The following ALDH1L2 variants were observed in gnomAD, a reference collection of about 807,000 sequenced individuals.
ALDH1L2 encodes mitochondrial 10-formyltetrahydrofolate dehydrogenase.
In ALDH1L2, 91 loss-of-function variants were observed where a neutral mutation model predicts 111.0. That is an observed-to-expected ratio of 0.82 (90% CI 0.69 to 0.98). ALDH1L2 has a LOEUF of 0.98. Ranked by LOEUF, ALDH1L2 falls within the 50% of genes least tolerant of loss-of-function variation. The pLI is 0.00. For synonymous variants in ALDH1L2, 374 were observed against 392.6 expected, an observed-to-expected ratio of 0.95 and a Z score of 0.56; for missense variants, 995 against 1,126.8, an observed-to-expected ratio of 0.88 and a Z score of 1.67.
chr12:105,070,713 G>GTAGGCTTCT lies in ALDH1L2; in HGVS notation c.276_284dup (p.Ala94_Tyr95insTer). 1 of 1,614,172 alleles carries GTAGGCTTCT rather than the reference G, an allele frequency of 6.2e-7. No homozygotes were observed. Among genetic ancestry groups the GTAGGCTTCT allele is most frequent in the South Asian group, 1.1e-5 (1 of 91,078 alleles). On this transcript the variant is annotated stop_gained, in exon 3 of 23. Transcript: ENST00000258494. LOFTEE classifies it high-confidence loss of function. Reference sequence around the variant, plus strand: ...CATTTAGCTCTGCACCCACGGATCTGTAGGCTTCTGCCACTTCTTTGATGG... The same window carrying GTAGGCTTCT: ...CATTTAGCTCTGCACCCACGGATCTGTAGGCTTCTTAGGCTTCTGCCACTTCTTTGATGG...
chr12:105,083,132 C>T (rs1203296094), intron 1 of ALDH1L2, among the ~76,000 whole-genome samples: 2 of 152,258 alleles, frequency 1.3e-5, no homozygotes, highest in Admixed American at 1.3e-4. Flanking sequence ...TTCTGCAAGA[C>T]TTCCTTCTGG....
chr12:105,042,835 C>T (rs932222546), intron 15 of ALDH1L2, among the ~76,000 whole-genome samples: 4 of 151,912 alleles, frequency 2.6e-5, no homozygotes, highest in Non-Finnish European at 4.4e-5. Flanking sequence ...TGGATCTCAC[C>T]TTAAACATCT....
At chr12:105,062,497 T>C (rs1179712613) in intron 7 of ALDH1L2, among the ~76,000 whole-genome samples, 1 of 152,158 alleles carries the variant, frequency 6.6e-6, no homozygotes, top group African/African-American at 2.4e-5. Context: ...GTCTGGTGGA[T>C]CAGTGGCAAG....
At chr12:105,075,591 C>T (rs1170044480) in intron 1 of ALDH1L2, among the ~76,000 whole-genome samples, 3 of 151,864 alleles carry the variant, frequency 2.0e-5, no homozygotes, top group Admixed American at 6.6e-5. Context: ...GTCCACACCC[C>T]GCCCCCGCAA....
chr12:105,080,248 C>A (rs1204556602), intron 1 of ALDH1L2, among the ~76,000 whole-genome samples: 3 of 152,090 alleles, frequency 2.0e-5, no homozygotes, highest in African/African-American at 7.2e-5. Context: ...TTTTCTCACC[C>A]CTGCTAAACA....
chr12:105,065,498 G>A, intron 5 of ALDH1L2, 142 bp from the exon 6 acceptor site: 1 of 616,692 alleles, frequency 1.6e-6, no homozygotes, highest in South Asian at 1.9e-5. Context: ...TTTGGAGTAA[G>A]TATTTTGTCA....
At chr12:105,029,592 C>T (rs1161986880) in intron 21 of ALDH1L2, among the ~76,000 whole-genome samples, 1 of 152,164 alleles carries the variant, frequency 6.6e-6, no homozygotes, top group East Asian at 1.9e-4. Flanking sequence ...AGCATGCATC[C>T]TTGAATGGAT....
At chr12:105,069,143 G>T (rs1306500219) in intron 3 of ALDH1L2, among the ~76,000 whole-genome samples, 3 of 152,060 alleles carry the variant, frequency 2.0e-5, no homozygotes, top group Non-Finnish European at 2.9e-5. Flanking sequence ...AATTTAAAAA[G>T]GCATTAGAGT....
chr12:105,080,277 A>G (rs2136117449), intron 1 of ALDH1L2, among the ~76,000 whole-genome samples: 1 of 152,334 alleles, frequency 6.6e-6, no homozygotes, highest in East Asian at 1.9e-4. Context: ...CGTCAAATTT[A>G]TGATTTTTGC....
intron 7 of ALDH1L2, among the ~76,000 whole-genome samples, chr12:105,062,343 A>G (rs1419292606): frequency 1.8e-5 from 2 of 109,062 alleles, no homozygotes; most frequent in African/African-American, 5.6e-5. Context: ...CTAGCGGCCT[A>G]CAGTCTTAAC....
In ALDH1L2 at chr12:105,072,068, G is replaced by A. The variant is rs1482551257; in HGVS notation, c.194-1264C>T. 6.6e-5 allele frequency among the ~76,000 whole-genome samples: 10 copies of A among 150,640 alleles called. No individual in the cohort carries two copies. In the South Asian group the frequency reaches 1.0e-3, roughly 16 times the overall value. On this transcript the variant is annotated intron_variant, in intron 2 of 22. Transcript: ENST00000258494. Reference sequence around the variant, plus strand: ...GCCACTACGCTCCAGCCTGGGCAACGAAGTGAGACCCTTTCTCTAAAAAAA... The same window carrying A: ...GCCACTACGCTCCAGCCTGGGCAACAAAGTGAGACCCTTTCTCTAAAAAAA...
chr12:105,070,823 A>G lies in ALDH1L2; in HGVS notation c.194-19T>C. On this transcript the variant is annotated intron_variant, in intron 2 of 22. Transcript: ENST00000258494. ...GCCAAAGCTGAGCATAAAAAAGAAG[A>G]TTTTTTTTTTAGAAGTTAGCCATAA... 1.4e-6 allele frequency: 2 copies of G among 1,481,376 alleles called. No individual in the cohort carries two copies. Among genetic ancestry groups the G allele is most frequent in the South Asian group, 2.5e-5 (2 of 79,202 alleles). 91.8% of individuals were successfully genotyped at this position (1,481,376 alleles called of 1,614,324 possible).
chr12:105,026,328 A>G (rs1874404215), intron 22 of ALDH1L2, among the ~76,000 whole-genome samples: 1 of 152,220 alleles, frequency 6.6e-6, no homozygotes, highest in African/African-American at 2.4e-5. Context: ...TTTTTTGAAA[A>G]GAAATATCTT....
chr12:105,036,160 AATATATACACGTATAT>A (rs1426674673), intron 18 of ALDH1L2, among the ~76,000 whole-genome samples: 13 of 44,150 alleles, frequency 2.9e-4, no homozygotes, highest in Non-Finnish European at 4.0e-4. Context: ...ATGTGTATAT[AATATATACACGTATAT>A]TTATATATGT....
intron 15 of ALDH1L2, among the ~76,000 whole-genome samples, chr12:105,042,751 T>G (rs1318150413): frequency 1.3e-5 from 2 of 152,216 alleles, no homozygotes; most frequent in Non-Finnish European, 2.9e-5. Flanking sequence ...ATCTTTCCTG[T>G]TTCCTTTTAT....
At chr12:105,037,332 A>G (rs776103946) in intron 18 of ALDH1L2, among the ~76,000 whole-genome samples, 2 of 152,208 alleles carry the variant, frequency 1.3e-5, no homozygotes, top group Non-Finnish European at 2.9e-5. Context: ...AACTTCCCCC[A>G]TGATAACATC....
chr12:105,038,284 ACACAC>A, intron 17 of ALDH1L2, 82 bp from the exon 18 acceptor site: 1 of 63,770 alleles, frequency 1.6e-5, no homozygotes, highest in Non-Finnish European at 2.7e-5. Context: ...ACACAAACAC[ACACAC>A]ACACACACAC....
intron 16 of ALDH1L2, 64 bp downstream of exon 16, chr12:105,040,543 G>C: frequency 6.9e-7 from 1 of 1,449,176 alleles, no homozygotes; most frequent in Non-Finnish European, 9.7e-7. Flanking sequence ...AGAGGTAAAA[G>C]AGCCACTCAG....
At chr12:105,049,819 A>T in intron 13 of ALDH1L2, 89 bp downstream of exon 13, 1 of 1,407,798 alleles carries the variant, frequency 7.1e-7, no homozygotes, top group Non-Finnish European at 9.5e-7. Context: ...AAAAAAATCT[A>T]CATAAAAAGA....
Sources: gnomAD v4.1 joint callset for allele counts (sites outside exome capture counted in the v4.1 genomes callset) on GRCh38, gnomAD v4.1.1 for gene constraint, MANE v1.5 for transcripts, NCBI Gene and HGNC (gene_info 2026-07-23, HGNC 2026-07-21) for gene names.